Variants in SLC25A48 observed in about 807,000 individuals in gnomAD.
The protein encoded by SLC25A48 is CTC-321K16.1.
SLC25A48 carries 29 observed loss-of-function variants against 32.2 expected under a neutral mutation model. The ratio of observed to expected loss-of-function variants is 0.90; its 90% CI spans 0.67 to 1.23. SLC25A48 has a LOEUF of 1.23. SLC25A48 is among the 50% of genes most tolerant of loss of function. The pLI is 0.00. For synonymous variants in SLC25A48, 164 were observed against 172.3 expected, an observed-to-expected ratio of 0.95 and a Z score of 0.38; for missense variants, 399 against 422.7, an observed-to-expected ratio of 0.94 and a Z score of 0.49.
intron 3 of SLC25A48, among the ~76,000 whole-genome samples, chr5:135,658,917 G>A (rs941858335): frequency 3.9e-5 from 6 of 152,326 alleles, no homozygotes; most frequent in East Asian, 1.9e-4. Context: ...GAGCAGCGGG[G>A]CCCTGGGTCT....
intron 1 of SLC25A48, among the ~76,000 whole-genome samples, chr5:135,581,563 A>G (rs577049264): frequency 6.6e-6 from 1 of 152,334 alleles, no homozygotes; most frequent in Non-Finnish European, 1.5e-5. Context: ...GAATATGTTG[A>G]TTGATTAACT....
At chr5:135,613,228 C>T (rs777095409) in intron 1 of SLC25A48, among the ~76,000 whole-genome samples, 5 of 151,878 alleles carry the variant, frequency 3.3e-5, no homozygotes, top group Non-Finnish European at 5.9e-5. Context: ...TTTTGAGAAA[C>T]GTCTATTTAA....
chr5:135,775,885 G>C (rs768029160), intron 3 of SLC25A48, among the ~76,000 whole-genome samples: 1 of 151,104 alleles, frequency 6.6e-6, no homozygotes, highest in East Asian at 2.0e-4. Context: ...GGGGAGGGGG[G>C]AGATGATGGT....
intron 4 of SLC25A48, chr5:135,821,841 CTT>C (rs1757895470): frequency 6.6e-6 from 1 of 152,332 alleles, no homozygotes; most frequent in African/African-American, 2.4e-5. Flanking sequence ...CCGAGGGAGG[CTT>C]TGTCTTTTCA....
intron 2 of SLC25A48, among the ~76,000 whole-genome samples, chr5:135,631,211 G>C (rs1752560854): frequency 6.6e-6 from 1 of 152,168 alleles, no homozygotes; most frequent in African/African-American, 2.4e-5. Flanking sequence ...GACATGGTTT[G>C]GTTAGGAGAG....
intron 1 of SLC25A48, among the ~76,000 whole-genome samples, chr5:135,625,505 A>T (rs1262471975): frequency 6.6e-6 from 1 of 151,954 alleles, no homozygotes; most frequent in Non-Finnish European, 1.5e-5. Context: ...ACTCCCACAG[A>T]CTCTGTGGGA....
intron 3 of SLC25A48, among the ~76,000 whole-genome samples, chr5:135,655,851 A>G (rs1435465100): frequency 6.6e-6 from 1 of 152,174 alleles, no homozygotes; most frequent in Non-Finnish European, 1.5e-5. Context: ...TTGCTCTGGG[A>G]TCAGATTTTG....
At chr5:135,759,091 C>T (rs1474096985) in intron 3 of SLC25A48, among the ~76,000 whole-genome samples, 1 of 151,626 alleles carries the variant, frequency 6.6e-6, no homozygotes, top group Non-Finnish European at 1.5e-5. Flanking sequence ...AGTGTTAACA[C>T]ACAATAATAT....
intron 7 of SLC25A48, among the ~76,000 whole-genome samples, chr5:135,886,636 T>TATATATATATAA (rs1554088462): frequency 6.6e-5 from 2 of 30,140 alleles, no homozygotes; most frequent in Non-Finnish European, 1.2e-4. Flanking sequence ...TATATATATA[T>TATATATATATAA]AAAATATATA....
intron 3 of SLC25A48, among the ~76,000 whole-genome samples, chr5:135,647,537 G>A (rs976645839): frequency 2.0e-5 from 3 of 152,176 alleles, no homozygotes; most frequent in African/African-American, 7.2e-5. Flanking sequence ...GGGTCCTAAT[G>A]AGCAGTCCTC....
intron 4 of SLC25A48, among the ~76,000 whole-genome samples, chr5:135,829,423 T>G (rs1326465831): frequency 1.3e-5 from 2 of 152,046 alleles, no homozygotes; most frequent in East Asian, 3.9e-4. Context: ...AACCCGCAGG[T>G]TGACTCTGAT....
chr5:135,835,678 T>TAAAAAAAAAAA (rs35114794), intron 1 of SLC25A48, among the ~76,000 whole-genome samples: 11 of 70,388 alleles, frequency 1.6e-4, no homozygotes, highest in East Asian at 5.0e-4. Flanking sequence ...TTGCTAATTG[T>TAAAAAAAAAAA]AAAAAAAAAA....
intron 3 of SLC25A48, among the ~76,000 whole-genome samples, chr5:135,727,796 A>G (rs1337819349): frequency 6.6e-6 from 1 of 152,188 alleles, no homozygotes; most frequent in South Asian, 2.1e-4. Flanking sequence ...TGATTGCTGT[A>G]GCTATAAAAG....
Position 135,887,234 on chromosome 5 carries a change from G to T in SLC25A48, c.*8-798G>T, listed in dbSNP as rs182742067. On this transcript the variant is annotated intron_variant, in intron 7 of 7. Coordinates refer to ENST00000681962, the MANE Select transcript of SLC25A48 (RefSeq NM_001349336.2). ...GACTTGCGTTTTCCGTTTTTGCGGC[G>T]AAGTCTGGCTTAAACAGAGGGCAAT... 1.3e-3 allele frequency among the ~76,000 whole-genome samples: 205 copies of T among 152,206 alleles called. 1 individual carries two copies. Among genetic ancestry groups the T allele is most frequent in the African/African-American group, 4.6e-3 (193 of 41,532 alleles).
At chr5:135,758,913 A>G (rs113613095) in intron 3 of SLC25A48, among the ~76,000 whole-genome samples, 2,041 of 151,040 alleles carry the variant, frequency 0.014, 19 homozygotes, top group South Asian at 0.024. Flanking sequence ...GCTATAAATA[A>G]TATTAAGTGT....
At chr5:135,788,988 T>C (rs559391617) in intron 3 of SLC25A48, among the ~76,000 whole-genome samples, 44 of 150,554 alleles carry the variant, frequency 2.9e-4, no homozygotes, top group African/African-American at 1.0e-3. Flanking sequence ...TGTGATATGG[T>C]CTGTAATATC....
intron 3 of SLC25A48, among the ~76,000 whole-genome samples, chr5:135,727,936 T>C (rs1398459294): frequency 6.6e-6 from 1 of 152,182 alleles, no homozygotes; most frequent in Non-Finnish European, 1.5e-5. Flanking sequence ...GGGATTTTGA[T>C]AGAAATTTTG....
chr5:135,707,831 G>A (rs183320593), intron 3 of SLC25A48, among the ~76,000 whole-genome samples: 59 of 152,352 alleles, frequency 3.9e-4, no homozygotes, highest in African/African-American at 1.4e-3. Flanking sequence ...GCGAGGGCAT[G>A]TAGCCAGGGA....
chr5:135,685,381 G>T (rs1445442152), intron 3 of SLC25A48, among the ~76,000 whole-genome samples: 3 of 149,074 alleles, frequency 2.0e-5, no homozygotes, highest in Non-Finnish European at 3.0e-5. Context: ...AAATTGACAA[G>T]TTAGCTCTTT....
Sources: allele counts gnomAD v4.1 joint callset (sites outside exome capture counted in the v4.1 genomes callset), GRCh38; gene constraint gnomAD v4.1.1; transcripts MANE v1.5; gene names NCBI Gene and HGNC (gene_info 2026-07-23, HGNC 2026-07-21).